Variants in EYS observed in about 807,000 individuals in gnomAD.
The protein encoded by EYS is protein eyes shut homolog.
EYS carries 250 observed loss-of-function variants against 282.1 expected under a neutral mutation model. That is an observed-to-expected ratio of 0.89 (90% CI 0.80 to 0.98). EYS has a LOEUF of 0.98. EYS is among the 50% of genes least tolerant of loss of function. The pLI is 0.00. For missense variants in EYS, 4,016 were observed against 3,709.0 expected, an observed-to-expected ratio of 1.08 and a Z score of -2.15; for synonymous variants, 1,355 against 1,282.9, an observed-to-expected ratio of 1.06 and a Z score of -1.20.
intron 35 of EYS, among the ~76,000 whole-genome samples, chr6:63,919,038 G>T (rs1234260211): frequency 1.3e-5 from 2 of 152,136 alleles, no homozygotes; most frequent in African/African-American, 4.8e-5. Flanking sequence ...TTTCAGCAGC[G>T]ACTTTCTTCA....
intron 36 of EYS, among the ~76,000 whole-genome samples, chr6:63,840,215 T>TTATTATTATTATTATTAA (rs1326340948): frequency 8.5e-6 from 1 of 118,044 alleles, no homozygotes; most frequent in Non-Finnish European, 1.7e-5. Flanking sequence ...GCCCATCTTA[T>TTATTATTATTATTATTAA]TATTATTATT....
chr6:63,779,741 C>CTT (rs148280923), intron 39 of EYS, among the ~76,000 whole-genome samples: 11 of 133,944 alleles, frequency 8.2e-5, no homozygotes, highest in African/African-American at 1.4e-4. Context: ...AAAAAGCTTT[C>CTT]TTTTTCTTTT....
At chr6:63,726,979 G>A (rs1768638263) in intron 41 of EYS, among the ~76,000 whole-genome samples, 1 of 152,106 alleles carries the variant, frequency 6.6e-6, no homozygotes, top group South Asian at 2.1e-4. Context: ...TATATAGAGG[G>A]ATCAGATGCA....
At chr6:63,788,075 G>T (rs1027778504) in intron 39 of EYS, 30 bp downstream of exon 39, 28 of 1,462,234 alleles carry the variant, frequency 1.9e-5, no homozygotes, top group Non-Finnish European at 2.5e-5. Flanking sequence ...GAAATAAGTA[G>T]GTATAATATA....
At chr6:65,305,826 C>G (rs1190353529) in intron 11 of EYS, among the ~76,000 whole-genome samples, 1 of 152,042 alleles carries the variant, frequency 6.6e-6, no homozygotes, top group Non-Finnish European at 1.5e-5. Context: ...CCCAACAAAC[C>G]CCTGTTGCCC....
intron 26 of EYS, among the ~76,000 whole-genome samples, chr6:64,496,254 G>T (rs539186816): frequency 6.6e-6 from 1 of 152,024 alleles, no homozygotes; most frequent in South Asian, 2.1e-4. Context: ...TTAATATTGA[G>T]AAAGTAGCAC....
chr6:64,018,891 C>T (rs1012044942), intron 33 of EYS, among the ~76,000 whole-genome samples: 1 of 150,616 alleles, frequency 6.6e-6, no homozygotes, highest in African/African-American at 2.4e-5. Flanking sequence ...TCTCCTGCCT[C>T]AGCCTCCTGA....
chr6:64,785,619 A>G (rs947302263), intron 22 of EYS, among the ~76,000 whole-genome samples: 2 of 152,190 alleles, frequency 1.3e-5, no homozygotes, highest in African/African-American at 4.8e-5. Flanking sequence ...AACATATTTC[A>G]CCTTCTGAAA....
chr6:64,558,796 T>C (rs570703875), intron 26 of EYS, among the ~76,000 whole-genome samples: 14 of 152,330 alleles, frequency 9.2e-5, no homozygotes, highest in Admixed American at 2.0e-4. Context: ...AGTATGTTGA[T>C]ATTGTTTTCT....
At chr6:65,484,925 TCA>T (rs1765734186) in intron 5 of EYS, among the ~76,000 whole-genome samples, 1 of 152,198 alleles carries the variant, frequency 6.6e-6, no homozygotes, top group African/African-American at 2.4e-5. Flanking sequence ...ATGGCTGCTT[TCA>T]TGCTGCAATA....
intron 35 of EYS, among the ~76,000 whole-genome samples, chr6:63,885,829 G>A (rs1177935764): frequency 6.6e-6 from 1 of 152,126 alleles, no homozygotes; most frequent in Non-Finnish European, 1.5e-5. Flanking sequence ...TCTTTATATT[G>A]ATCTGAGTCT....
At chr6:64,036,726 T>A (rs1384145711) in intron 33 of EYS, among the ~76,000 whole-genome samples, 2 of 152,220 alleles carry the variant, frequency 1.3e-5, no homozygotes, top group African/African-American at 4.8e-5. Flanking sequence ...GGAGGCTAAG[T>A]AAGACTCATA....
At chr6:64,269,927 A>AT (rs1767886461) in intron 30 of EYS, among the ~76,000 whole-genome samples, 1 of 152,024 alleles carries the variant, frequency 6.6e-6, no homozygotes, top group African/African-American at 2.4e-5. Context: ...GACAATTCCT[A>AT]TTTTTTAAAA....
intron 12 of EYS, among the ~76,000 whole-genome samples, chr6:65,063,893 T>C (rs927917487): frequency 2.0e-5 from 3 of 151,744 alleles, no homozygotes; most frequent in Non-Finnish European, 4.4e-5. Flanking sequence ...TAGAAGCCAA[T>C]AGTCTAAGTA....
chr6:64,847,635 T>C (rs1045940981), intron 19 of EYS, among the ~76,000 whole-genome samples: 1 of 152,026 alleles, frequency 6.6e-6, no homozygotes, highest in Non-Finnish European at 1.5e-5. Context: ...CCCAACAGTG[T>C]TTTTAAAAGA....
chr6:65,165,914 T>C (rs1764961182), intron 12 of EYS, among the ~76,000 whole-genome samples: 1 of 150,848 alleles, frequency 6.6e-6, no homozygotes. Context: ...TACATGAAAA[T>C]CAATAATATT....
chr6:64,221,755 G>A (rs749361895), intron 31 of EYS, among the ~76,000 whole-genome samples: 1 of 152,008 alleles, frequency 6.6e-6, no homozygotes, highest in South Asian at 2.1e-4. Flanking sequence ...CATCCCACCT[G>A]GGATGTGAAA....
chr6:65,236,438 C>T (rs928424883), intron 12 of EYS, among the ~76,000 whole-genome samples: 2 of 151,962 alleles, frequency 1.3e-5, no homozygotes, highest in Admixed American at 6.6e-5. Context: ...GGTGAAACCC[C>T]GTCTCTAGTG....
chr6:64,956,895 C>T (rs951186434), intron 14 of EYS, among the ~76,000 whole-genome samples: 6 of 151,952 alleles, frequency 3.9e-5, no homozygotes, highest in Non-Finnish European at 1.5e-5. Context: ...TCATCTGACC[C>T]CAGTTAATAT....
Sources: gnomAD v4.1 joint callset for allele counts (sites outside exome capture counted in the v4.1 genomes callset) on GRCh38, gnomAD v4.1.1 for gene constraint, MANE v1.5 for transcripts, NCBI Gene and HGNC (gene_info 2026-07-23, HGNC 2026-07-21) for gene names.